PLAGL1: variants seen among roughly 807,000 people sequenced by gnomAD.
PLAGL1 encodes the protein PLAG1 like zinc finger 1, also known as zinc finger protein PLAGL1.
In PLAGL1, 1 loss-of-function variant was observed where a neutral mutation model predicts 4.6. That is an observed-to-expected ratio of 0.22 (90% CI 0.08 to 1.03). The LOEUF (loss-of-function observed/expected upper bound fraction) is 1.03, where lower values mean the gene tolerates loss of function less well. Ranked by LOEUF, PLAGL1 falls within the 50% of genes least tolerant of loss-of-function variation. The probability of loss-of-function intolerance (pLI) is 0.58; values close to 1 mark genes in which losing one functional copy is unlikely to be tolerated. For missense variants in PLAGL1, 464 were observed against 570.4 expected (o/e 0.81, Z 1.90); for synonymous variants, 240 against 237.8 (o/e 1.01, Z -0.08).
At position 143,941,678 on chromosome 6, in the gene PLAGL1, G is replaced by A; in HGVS notation, c.1138C>T (p.Leu380=). 1 of 1,614,250 alleles carries A rather than the reference G, an allele frequency of 6.2e-7. No individual in the cohort carries two copies. Among genetic ancestry groups the A allele is most frequent in the Non-Finnish European group, 8.5e-7 (1 of 1,180,040 alleles). The change falls in exon 8 of 8, where the codon CTG becomes TTG. Residue 380 remains leucine, a synonymous_variant. Transcript: ENST00000674357. The surrounding 1 kb of genome is among the most constrained non-coding windows in gnomAD (Gnocchi z 6.0). Reference sequence around the variant, plus strand: ...TGCCAGAAGCCCAACAGGGGGGACAGGTCCAGAGAGGCAGGTATTGTTAGG... The same window carrying A: ...TGCCAGAAGCCCAACAGGGGGGACAAGTCCAGAGAGGCAGGTATTGTTAGG... ...VNLTIPASLD[L]SPLLGFWQLP...
In PLAGL1 at chr6:143,971,689, C is replaced by T. The variant is rs926274419; in HGVS notation, c.-543-2711G>A. Reference sequence around the variant, plus strand: ...TGTTTGCCTTTTCTGATAAGGAATTCAAAACATGCAATGGTAGTAAATCTG... The same window carrying T: ...TGTTTGCCTTTTCTGATAAGGAATTTAAAACATGCAATGGTAGTAAATCTG... On this transcript the variant is annotated intron_variant, in intron 2 of 7. Transcript: ENST00000674357. This position sits in a 1 kb window ranked among gnomAD's most constrained non-coding sequence, Gnocchi z 4.7. 6.6e-6 allele frequency among the ~76,000 whole-genome samples: 1 copy of T among 152,140 alleles called. No individual in the cohort carries two copies. Among genetic ancestry groups the T allele is most frequent in the African/African-American group, 2.4e-5 (1 of 41,428 alleles).
At chr6:144,031,241 T>C (rs2128707865) in intron 1 of PLAGL1, among the ~76,000 whole-genome samples, 1 of 152,368 alleles carries the variant, frequency 6.6e-6, no homozygotes, top group South Asian at 2.1e-4. Context: ...TTGTAGATTC[T>C]GGATATTTTT....
rs1358415495 is a variant in PLAGL1, at chr6:144,050,331, A to T, written c.-151+14137T>A. ...CGACTGCTGAACTCAACTAAGTGAA[A>T]TATGTCCATAACACAATGCTGCCAG... On this transcript the variant is annotated intron_variant, in intron 1 of 3. Coordinates refer to the PLAGL1 transcript ENST00000437412. This position sits in a 1 kb window ranked among gnomAD's most constrained non-coding sequence, Gnocchi z 4.3. 1.3e-5 allele frequency among the ~76,000 whole-genome samples: 2 copies of T among 152,142 alleles called. No individual in the cohort carries two copies. Among genetic ancestry groups the T allele is most frequent in the South Asian group, 4.1e-4 (2 of 4,824 alleles).
chr6:144,058,808 C>T (rs1799179167), intron 1 of PLAGL1, among the ~76,000 whole-genome samples: 1 of 152,198 alleles, frequency 6.6e-6, no homozygotes, highest in South Asian at 2.1e-4. Flanking sequence ...GAGTAGACCC[C>T]CAAGACCTTA....
rs1459267704 is a variant in PLAGL1 at position 143,952,246 on chromosome 6, A to T, written c.-324-3786T>A. On this transcript the variant is annotated intron_variant, in intron 6 of 7. Coordinates refer to ENST00000674357, the MANE Select transcript of PLAGL1 (RefSeq NM_001317162.2). This position sits in a 1 kb window ranked among gnomAD's most constrained non-coding sequence, Gnocchi z 6.1. ...CACTTTCTGGCCACATCCTTAAAAC[A>T]ATTTATGACAACTTTCTATTATCTG... Among the ~76,000 whole-genome samples the T allele has an allele frequency of 1.3e-5, 2 of 152,222 alleles. No individual in the cohort carries two copies. The highest frequency in any genetic ancestry group is 6.5e-5 in the Admixed American group (1 of 15,286).
At chr6:144,021,565 T>C (rs1254229191) in intron 1 of PLAGL1, among the ~76,000 whole-genome samples, 1 of 152,216 alleles carries the variant, frequency 6.6e-6, no homozygotes, top group African/African-American at 2.4e-5. Flanking sequence ...ACATGCCAAA[T>C]AGTTTCCTCA....
chr6:144,018,055 C>G (rs1477070705), intron 1 of PLAGL1, among the ~76,000 whole-genome samples: 1 of 152,034 alleles, frequency 6.6e-6, no homozygotes, highest in Non-Finnish European at 1.5e-5. Flanking sequence ...AATGAATGAG[C>G]ACAGAAGGAA....
chr6:144,024,468 T>G (rs1796198381), intron 1 of PLAGL1, among the ~76,000 whole-genome samples: 1 of 152,092 alleles, frequency 6.6e-6, no homozygotes, highest in Non-Finnish European at 1.5e-5. Flanking sequence ...ATAAGTCTCA[T>G]GAGATCTGAT....
chr6:144,043,104 A>G (rs1282262416), intron 1 of PLAGL1, among the ~76,000 whole-genome samples: 1 of 152,194 alleles, frequency 6.6e-6, no homozygotes, highest in African/African-American at 2.4e-5. Context: ...TAAATATACA[A>G]TCATATCATC....
chr6:143,941,915 G>T lies in PLAGL1; in HGVS notation c.901C>A (p.His301Asn). 1 of 1,611,838 alleles carries T rather than the reference G, an allele frequency of 6.2e-7. No individual in the cohort carries two copies. The highest frequency in any genetic ancestry group is 8.5e-7 in the Non-Finnish European group (1 of 1,178,502). Reference sequence around the variant, plus strand: ...GAGGTAGAAGTGGTGTTGTACTTGTGATTGGGAAGGGGTGGCGGAGGAGAG... The same window carrying T: ...GAGGTAGAAGTGGTGTTGTACTTGTTATTGGGAAGGGGTGGCGGAGGAGAG... ...PGSPPPPLPN[H>N]KYNTTSTSYS... Residue 301 changes from histidine to asparagine, a missense_variant, in exon 8 of 8, where the codon CAC (histidine) becomes AAC (asparagine). Around this residue, in one of 4 missense-constraint regions of PLAGL1, gnomAD observed 248 missense variants for 250.1 expected, o/e 0.99. Coordinates refer to ENST00000674357, the MANE Select transcript of PLAGL1 (RefSeq NM_001317162.2). The surrounding 1 kb of genome is among the most constrained non-coding windows in gnomAD (Gnocchi z 6.0).
At chr6:144,051,541 T>C (rs1300023804) in intron 1 of PLAGL1, among the ~76,000 whole-genome samples, 4 of 152,226 alleles carry the variant, frequency 2.6e-5, no homozygotes, top group African/African-American at 9.6e-5. Flanking sequence ...AAACCAACAC[T>C]AAGAAAAACA....
In PLAGL1 at chr6:144,063,900, C is replaced by T. The variant is rs1328942857; in HGVS notation, c.-151+568G>A. 7.9e-5 allele frequency among the ~76,000 whole-genome samples: 12 copies of T among 152,222 alleles called. No homozygotes were observed. Among genetic ancestry groups the T allele is most frequent in the South Asian group, 2.1e-4 (1 of 4,832 alleles). Reference sequence around the variant, plus strand: ...CGCCACGGCCCAGGTCTCTTTTCTCCCGGAGTCTGCGGGGACCTCCCCGCC... The same window carrying T: ...CGCCACGGCCCAGGTCTCTTTTCTCTCGGAGTCTGCGGGGACCTCCCCGCC... On this transcript the variant is annotated intron_variant, in intron 1 of 3. Transcript: ENST00000437412. The surrounding 1 kb of genome is among the most constrained non-coding windows in gnomAD (Gnocchi z 5.7).
At position 144,048,876 on chromosome 6, in the gene PLAGL1, G is replaced by A. The variant is rs941486286; in HGVS notation, c.-151+15592C>T. ...GGTTTTTCTTTTCTACTACAAGGTCGGGATGCATATTTTCCAAACTTCTAT... is the reference window on the plus strand; with the variant it reads ...GGTTTTTCTTTTCTACTACAAGGTCAGGATGCATATTTTCCAAACTTCTAT... On this transcript the variant is annotated intron_variant, in intron 1 of 3. Coordinates refer to the PLAGL1 transcript ENST00000437412. This position sits in a 1 kb window ranked among gnomAD's most constrained non-coding sequence, Gnocchi z 4.8. 3.9e-5 allele frequency among the ~76,000 whole-genome samples: 6 copies of A among 152,122 alleles called. No homozygotes were observed. The highest frequency in any genetic ancestry group is 1.2e-4 in the African/African-American group (5 of 41,420).
At position 143,963,586 on chromosome 6, in the gene PLAGL1, C is replaced by T. The variant is rs1428507420; in HGVS notation, c.-399+1201G>A. Among the ~76,000 whole-genome samples, 1 of 152,138 alleles carries T rather than the reference C, an allele frequency of 6.6e-6. No homozygotes were observed. Among genetic ancestry groups the T allele is most frequent in the African/African-American group, 2.4e-5 (1 of 41,404 alleles). On this transcript the variant is annotated intron_variant, in intron 5 of 7. Coordinates refer to ENST00000674357, the MANE Select transcript of PLAGL1 (RefSeq NM_001317162.2). This position sits in a 1 kb window ranked among gnomAD's most constrained non-coding sequence, Gnocchi z 6.1. Reference sequence around the variant, plus strand: ...AGGCTTAGAAGTTATGCTGATTTGCCCATGATCCTACAGCCAGCAAGCAGT... The same window carrying T: ...AGGCTTAGAAGTTATGCTGATTTGCTCATGATCCTACAGCCAGCAAGCAGT...
rs374631467 is a variant in PLAGL1, at chr6:143,941,836, T to C, written c.980A>G (p.Asn327Ser). Residue 327 changes from asparagine to serine, a missense_variant, in exon 8 of 8, where the codon AAT (asparagine) becomes AGT (serine). Physicochemically the swap from Asn to Ser is conservative, Grantham distance 46 (BLOSUM62 1). This residue lies in a region of PLAGL1 where 248 missense variants were observed against 250.1 expected (regional missense o/e 0.99). Transcript: ENST00000674357. The surrounding 1 kb of genome is among the most constrained non-coding windows in gnomAD (Gnocchi z 6.0). ...AGGCAAGTCCTCAAACAAACTGATA[T>C]TGCAAAAACCTTTAGTATCTGCTTT... is the stretch of plus-strand genomic sequence containing the variant. Reference protein sequence around the residue: ...PLKADTKGFCNISLFEDLPLQ... With the variant: ...PLKADTKGFCSISLFEDLPLQ... 1 of 1,614,216 alleles carries C rather than the reference T, an allele frequency of 6.2e-7. No individual in the cohort carries two copies. Among genetic ancestry groups the C allele is most frequent in the Non-Finnish European group, 8.5e-7 (1 of 1,180,050 alleles).
chr6:144,026,212 A>G (rs941996409), intron 1 of PLAGL1, among the ~76,000 whole-genome samples: 12 of 152,184 alleles, frequency 7.9e-5, no homozygotes, highest in Non-Finnish European at 1.6e-4. Context: ...ATAAAATGCA[A>G]TTCTTAATAC....
chr6:144,028,297 T>C (rs1305232327), intron 1 of PLAGL1, among the ~76,000 whole-genome samples: 1 of 152,214 alleles, frequency 6.6e-6, no homozygotes, highest in Non-Finnish European at 1.5e-5. Context: ...TGTAGTCTCC[T>C]ATGAAAATGT....
At position 144,062,690 on chromosome 6, in the gene PLAGL1, C is replaced by T. The variant is rs116809725; in HGVS notation, c.-151+1778G>A. ...TCATCGTAGCCGGGTTATATTGCAG[C>T]CTGTTTTCACATTAGTCTCCCCAAC... On this transcript the variant is annotated intron_variant, in intron 1 of 3. Coordinates refer to the PLAGL1 transcript ENST00000437412. 6.1e-3 allele frequency among the ~76,000 whole-genome samples: 935 copies of T among 152,190 alleles called. 11 individuals are homozygous for T. The highest frequency in any genetic ancestry group is 0.022 in the African/African-American group (905 of 41,500).
Position 143,956,963 on chromosome 6 carries a change from C to T in PLAGL1, c.-325+3506G>A, listed in dbSNP as rs144235946. 7.9e-5 allele frequency among the ~76,000 whole-genome samples: 12 copies of T among 152,318 alleles called. No homozygotes were observed. The South Asian group carries it at 8.3e-4, about 11-fold the overall frequency. ...ACTGGCCTTCCTCATCCATATAGCA[C>T]GGAAGCAAGGGGCTGGGACAGCCAG... On this transcript the variant is annotated intron_variant, in intron 6 of 7. Transcript: ENST00000674357.
Sources: gnomAD v4.1 joint callset for allele counts (sites outside exome capture counted in the v4.1 genomes callset) on GRCh38, gnomAD v4.1.1 for gene constraint, gnomAD v4.1.1 regional missense constraint, Gnocchi (gnomAD v3.1) non-coding constraint, MANE v1.5 for transcripts, NCBI Gene and HGNC (gene_info 2026-07-23, HGNC 2026-07-21) for gene names.